EXO1: variants seen among roughly 807,000 people sequenced by gnomAD.
The protein encoded by EXO1 is exonuclease 1.
Under a neutral mutation model 84.5 loss-of-function variants are expected in EXO1, and 69 were observed. The ratio of observed to expected loss-of-function variants is 0.82; its 90% CI spans 0.67 to 1.00. The LOEUF (loss-of-function observed/expected upper bound fraction) is 1.00. EXO1 is among the 50% of genes least tolerant of loss of function. EXO1 has a pLI of 0.00. For missense variants in EXO1, 1,045 were observed against 1,000.7 expected, an observed-to-expected ratio of 1.04 and a Z score of -0.60; for synonymous variants, 373 against 366.1, an observed-to-expected ratio of 1.02 and a Z score of -0.21.
intron 3 of EXO1, among the ~76,000 whole-genome samples, chr1:241,849,583 A>G (rs1193496394): frequency 1.3e-5 from 2 of 152,246 alleles, no homozygotes; most frequent in Admixed American, 6.5e-5. Flanking sequence ...TGCTTAGAAT[A>G]ATGCGTTCTA....
At position 241,889,787 on chromosome 1, in the gene EXO1, TA is replaced by T. The variant is rs1663277794; in HGVS notation, c.*188del. On this transcript the variant is annotated 3_prime_UTR_variant, in exon 16 of 16. Coordinates refer to ENST00000366548, the MANE Select transcript of EXO1 (RefSeq NM_130398.4). Reference sequence around the variant, plus strand: ...TTTTTTGCTCAGCTTTTTATATTTTTATAAGAAGCTAAATAGAAGAATAATT... The same window carrying T: ...TTTTTTGCTCAGCTTTTTATATTTTTTAAGAAGCTAAATAGAAGAATAATT... The T allele has an allele frequency of 1.6e-6, 1 of 610,436 alleles. No homozygotes were observed. The highest frequency in any genetic ancestry group is 2.8e-5 in the Admixed American group (1 of 35,450). 37.8% of individuals were successfully genotyped at this position (610,436 alleles called of 1,614,324 possible).
chr1:241,875,153 G>A (rs1195840792), intron 12 of EXO1, among the ~76,000 whole-genome samples: 4 of 152,068 alleles, frequency 2.6e-5, no homozygotes, highest in Non-Finnish European at 4.4e-5. Context: ...ACAGGCACCC[G>A]CCACCATGCC....
chr1:241,862,379 G>A (rs945575441), intron 10 of EXO1, among the ~76,000 whole-genome samples: 1 of 152,054 alleles, frequency 6.6e-6, no homozygotes, highest in Non-Finnish European at 1.5e-5. Context: ...TAAGTCCTTA[G>A]GGCTTTAATC....
intron 14 of EXO1, among the ~76,000 whole-genome samples, chr1:241,882,636 A>G (rs1327825050): frequency 9.2e-5 from 14 of 152,198 alleles, no homozygotes; most frequent in East Asian, 3.8e-4. Flanking sequence ...TTCCTAACTT[A>G]AAAGATGGAT....
At position 241,853,259 on chromosome 1, in the gene EXO1, T is replaced by C; in HGVS notation, c.282-99T>C. 5 of 1,395,932 alleles carry C rather than the reference T, an allele frequency of 3.6e-6. No individual in the cohort carries two copies. The South Asian group carries it at 5.9e-5, about 16-fold the overall frequency. 86.5% of individuals were successfully genotyped at this position (1,395,932 alleles called of 1,614,324 possible). A position where few individuals can be genotyped will look rare whatever the true frequency, so the allele number is the denominator to read the frequency against. ...TACTTTCTAATGAGTCAAAAACTTT[T>C]TTCAGTTCTAGGAAAGCTTCTTGAA... is the stretch of plus-strand genomic sequence containing the variant. On this transcript the variant is annotated intron_variant, in intron 5 of 15. Coordinates refer to ENST00000366548, the MANE Select transcript of EXO1 (RefSeq NM_130398.4).
chr1:241,882,874 T>C (rs1057368507), intron 14 of EXO1, among the ~76,000 whole-genome samples: 1 of 152,206 alleles, frequency 6.6e-6, no homozygotes, highest in Non-Finnish European at 1.5e-5. Flanking sequence ...TAAGTATTGG[T>C]CTGCCATTTC....
intron 11 of EXO1, among the ~76,000 whole-genome samples, chr1:241,869,601 C>G (rs1661957768): frequency 6.6e-6 from 1 of 152,062 alleles, no homozygotes; most frequent in Admixed American, 6.6e-5. Context: ...CCTTATGAAC[C>G]TAAATGATTT....
chr1:241,866,254 C>T (rs914874905), intron 10 of EXO1, among the ~76,000 whole-genome samples: 1 of 152,172 alleles, frequency 6.6e-6, no homozygotes, highest in Non-Finnish European at 1.5e-5. Flanking sequence ...GCTGGGATTA[C>T]AGGCACACGC....
chr1:241,861,290 A>G lies in EXO1; in HGVS notation c.945-116A>G, dbSNP rs578214544. Reference sequence around the variant, plus strand: ...CTGATGTATAAAGTAAGGAGACTCCATTTAAGTCATAAACCTATGGATTTT... The same window carrying G: ...CTGATGTATAAAGTAAGGAGACTCCGTTTAAGTCATAAACCTATGGATTTT... On this transcript the variant is annotated intron_variant, in intron 9 of 15. Transcript: ENST00000366548. The G allele has an allele frequency of 2.9e-5, 20 of 696,216 alleles. No individual in the cohort carries two copies. In the East Asian group the frequency reaches 5.0e-4, roughly 18 times the overall value. The allele number at this position is 696,216 out of a possible 1,614,324, so 43.1% of individuals were successfully genotyped here.
At chr1:241,859,838 C>T (rs532005951) in intron 8 of EXO1, among the ~76,000 whole-genome samples, 28 of 152,316 alleles carry the variant, frequency 1.8e-4, no homozygotes, top group African/African-American at 6.5e-4. Flanking sequence ...CTTGGATATT[C>T]TCTAAACCCT....
chr1:241,860,272 T>C (rs559954353), intron 8 of EXO1, among the ~76,000 whole-genome samples: 2 of 142,638 alleles, frequency 1.4e-5, no homozygotes, highest in African/African-American at 2.7e-5. Flanking sequence ...ACAAACTTGA[T>C]GTACTATATA....
intron 12 of EXO1, among the ~76,000 whole-genome samples, chr1:241,876,966 G>A (rs907627585): frequency 1.3e-5 from 2 of 152,196 alleles, no homozygotes; most frequent in Admixed American, 6.5e-5. Context: ...CTGTTGTGAA[G>A]GTAAATAGAA....
At chr1:241,849,062 G>T (rs1660504400) in intron 2 of EXO1, 35 bp downstream of exon 2, 1 of 152,142 alleles carries the variant, frequency 6.6e-6, no homozygotes. Flanking sequence ...GTGGCTTGAG[G>T]ACCACCTGCA....
intron 3 of EXO1, among the ~76,000 whole-genome samples, chr1:241,849,595 T>C (rs1660538499): frequency 1.3e-5 from 2 of 152,268 alleles, no homozygotes; most frequent in African/African-American, 2.4e-5. Flanking sequence ...TGCGTTCTAA[T>C]AGCAGTGAAT....
intron 12 of EXO1, 78 bp downstream of exon 12, chr1:241,872,356 A>G (rs1662162861): frequency 2.0e-6 from 3 of 1,480,010 alleles, no homozygotes; most frequent in South Asian, 1.2e-5. Context: ...TTTTTTTAGA[A>G]TTAATTTATT....
At chr1:241,879,857 C>G (rs1018956977) in intron 13 of EXO1, among the ~76,000 whole-genome samples, 1 of 151,768 alleles carries the variant, frequency 6.6e-6, no homozygotes, top group African/African-American at 2.4e-5. Context: ...ATACAAAAAT[C>G]TTAGGCAGGC....
At position 241,878,991 on chromosome 1, in the gene EXO1, A is replaced by C. The variant is rs368975084; in HGVS notation, c.1757A>C (p.Tyr586Ser). Residue 586 changes from tyrosine to serine, a missense_variant, in exon 13 of 16, where the codon TAC becomes TCC. Tyr to Ser is a moderately radical substitution (Grantham distance 144, BLOSUM62 -2). Coordinates refer to ENST00000366548, the MANE Select transcript of EXO1 (RefSeq NM_130398.4). ...KATVFTDEES[Y>S]SFESSKFTRT... The stretch of plus-strand genomic sequence containing the variant: ...ACAGTGTTTACAGATGAAGAGTCCT[A>C]CTCTTTTGAGAGCAGCAAATTTACA... The C allele has an allele frequency of 6.2e-7, 1 of 1,614,004 alleles. No homozygotes were observed. The highest frequency in any genetic ancestry group is 2.2e-5 in the East Asian group (1 of 44,862).
intron 15 of EXO1, 46 bp from the exon 16 acceptor site, chr1:241,889,419 A>C: frequency 6.4e-7 from 1 of 1,558,384 alleles, no homozygotes. Context: ...CTTCTCTAAT[A>C]ATCAGTACCT....
rs759444502 is a variant in EXO1 at position 241,879,045 on chromosome 1, C to T, written c.1811C>T (p.Thr604Ile). 2 of 1,614,200 alleles carry T rather than the reference C, an allele frequency of 1.2e-6. No individual in the cohort carries two copies. The highest frequency in any genetic ancestry group is 1.7e-6 in the Non-Finnish European group (2 of 1,180,038). Residue 604 changes from threonine (T) to isoleucine (I), a missense_variant, in exon 13 of 16, where the codon ACA becomes ATA. Transcript: ENST00000366548. ...TRTISPPTLGTLRSCFSWSGG... is the reference protein window; with the variant it reads ...TRTISPPTLGILRSCFSWSGG... The stretch of plus-strand genomic sequence containing the variant: ...ACCATTTCACCACCCACTTTGGGAA[C>T]ACTAAGAAGTTGTTTTAGTTGGTCT...
Sources: allele counts gnomAD v4.1 joint callset (sites outside exome capture counted in the v4.1 genomes callset), GRCh38; gene constraint gnomAD v4.1.1; transcripts MANE v1.5; gene names NCBI Gene and HGNC (gene_info 2026-07-23, HGNC 2026-07-21).